NT5M: variants seen among roughly 807,000 people sequenced by gnomAD.
NT5M encodes the protein 5',3'-nucleotidase, mitochondrial.
In NT5M, 22 loss-of-function variants were observed where a neutral mutation model predicts 22.2. The observed-to-expected ratio is 0.99, with a 90% CI of 0.71 to 1.41. The LOEUF is 1.41. Among genes scored for constraint, NT5M ranks in the 40% most tolerant of loss-of-function variants. NT5M has a pLI of 0.00. For missense variants in NT5M, 322 were observed against 314.8 expected (o/e 1.02, Z -0.17); for synonymous variants, 167 against 133.0 (o/e 1.26, Z -1.76).
At chr17:17,329,364 G>T (rs11652902) in intron 3 of NT5M, among the ~76,000 whole-genome samples, 6,083 of 152,314 alleles carry the variant, frequency 0.04, 176 homozygotes, top group South Asian at 0.09. Flanking sequence ...CGGCCAGAAA[G>T]TGGGGAGTCA....
At chr17:17,339,187 G>C (rs1465104357) in intron 3 of NT5M, among the ~76,000 whole-genome samples, 2 of 152,168 alleles carry the variant, frequency 1.3e-5, no homozygotes, top group South Asian at 2.1e-4. Context: ...ATAGTTTACA[G>C]TGTAGAGCTC....
intron 4 of NT5M, 123 bp from the exon 5 acceptor site, chr17:17,346,682 C>T (rs2049765921): frequency 1.7e-6 from 2 of 1,184,698 alleles, no homozygotes; most frequent in South Asian, 1.4e-5. Flanking sequence ...GTGCAGTCAC[C>T]CCTTTACAGA....
intron 3 of NT5M, among the ~76,000 whole-genome samples, chr17:17,341,838 G>A (rs1180643537): frequency 7.9e-5 from 12 of 152,186 alleles, no homozygotes; most frequent in Admixed American, 2.0e-4. Context: ...AGACCAGCCT[G>A]GCCAACGTGG....
intron 3 of NT5M, among the ~76,000 whole-genome samples, chr17:17,326,195 CA>C (rs112025915): frequency 1.3e-5 from 2 of 152,350 alleles, no homozygotes; most frequent in African/African-American, 4.8e-5. Context: ...AGGTTTACAA[CA>C]GCTGCCTGTG....
chr17:17,305,716 G>A (rs2048786146), intron 1 of NT5M, among the ~76,000 whole-genome samples: 1 of 152,008 alleles, frequency 6.6e-6, no homozygotes, highest in Non-Finnish European at 1.5e-5. Flanking sequence ...GCTGAGATGT[G>A]TCTCCCCTCT....
At chr17:17,346,207 G>A (rs574623684) in intron 4 of NT5M, among the ~76,000 whole-genome samples, 2 of 140,788 alleles carry the variant, frequency 1.4e-5, no homozygotes, top group African/African-American at 2.5e-5. Flanking sequence ...GTGGGGTCCC[G>A]TGACCTTGAG....
intron 2 of NT5M, among the ~76,000 whole-genome samples, chr17:17,319,244 G>A (rs1390825626): frequency 6.6e-6 from 1 of 151,514 alleles, no homozygotes; most frequent in East Asian, 1.9e-4. Flanking sequence ...CTGAACAAGA[G>A]GCAAATCCTT....
intron 2 of NT5M, among the ~76,000 whole-genome samples, chr17:17,318,334 G>T (rs1264327301): frequency 1.3e-5 from 2 of 151,902 alleles, no homozygotes; most frequent in East Asian, 1.9e-4. Flanking sequence ...AAAAGAATTA[G>T]CCAGGCTTGG....
chr17:17,330,550 AT>A (rs2049357824), intron 3 of NT5M, among the ~76,000 whole-genome samples: 1 of 151,346 alleles, frequency 6.6e-6, no homozygotes, highest in East Asian at 2.0e-4. Context: ...TAATTTTTGT[AT>A]TTTTTGTAGA....
chr17:17,328,051 G>A (rs1219600943), intron 3 of NT5M, among the ~76,000 whole-genome samples: 3 of 152,148 alleles, frequency 2.0e-5, no homozygotes, highest in Non-Finnish European at 4.4e-5. Context: ...CCTGGGTCAC[G>A]CGAGGAAAGG....
intron 3 of NT5M, among the ~76,000 whole-genome samples, chr17:17,329,718 G>A (rs562825730): frequency 5.3e-4 from 81 of 152,258 alleles, no homozygotes; most frequent in African/African-American, 1.9e-3. Flanking sequence ...GCTCATGCTT[G>A]TAATCCCACC....
At chr17:17,343,964 T>A (rs2049702376) in intron 3 of NT5M, among the ~76,000 whole-genome samples, 2 of 152,100 alleles carry the variant, frequency 1.3e-5, no homozygotes, top group South Asian at 4.1e-4. Flanking sequence ...CACCCCTGGC[T>A]GCACTGGGGT....
At chr17:17,336,383 C>T (rs894908580) in intron 3 of NT5M, among the ~76,000 whole-genome samples, 5 of 152,056 alleles carry the variant, frequency 3.3e-5, no homozygotes, top group Non-Finnish European at 5.9e-5. Context: ...CCAGCCTCTA[C>T]TAACCATCCT....
chr17:17,327,108 G>T, intron 3 of NT5M, among the ~76,000 whole-genome samples: 1 of 38,622 alleles, frequency 2.6e-5, no homozygotes, highest in African/African-American at 7.7e-5. Context: ...TAGAAACAGG[G>T]TTTCATCATG....
chr17:17,346,937 G>C lies in NT5M; in HGVS notation c.677G>C (p.Arg226Pro). ...DDWKAILDSK[R>P]PC ...TGGAAGGCCATTCTGGACAGCAAGC[G>C]GCCCTGCTGAGCTGGACTGTGCTTC... The change falls in exon 5 of 5, where the codon CGG (arginine) becomes CCG (proline). Residue 226 changes from arginine (R) to proline (P), a missense_variant. Transcript: ENST00000389022. The C allele has an allele frequency of 1.9e-6, 3 of 1,611,194 alleles. No homozygotes were observed. Among genetic ancestry groups the C allele is most frequent in the Non-Finnish European group, 2.5e-6 (3 of 1,179,924 alleles).
intron 3 of NT5M, among the ~76,000 whole-genome samples, chr17:17,340,806 G>A (rs929489566): frequency 2.6e-5 from 4 of 152,094 alleles, no homozygotes; most frequent in Admixed American, 1.3e-4. Flanking sequence ...ATTACAGTGT[G>A]AGCCACCGCG....
At chr17:17,344,261 C>G (rs1165960574) in intron 3 of NT5M, among the ~76,000 whole-genome samples, 2 of 152,200 alleles carry the variant, frequency 1.3e-5, no homozygotes, top group East Asian at 3.9e-4. Context: ...CTTGGGCAGC[C>G]TGTGGCTTCT....
At chr17:17,316,784 C>T (rs2049038474) in intron 2 of NT5M, among the ~76,000 whole-genome samples, 1 of 149,566 alleles carries the variant, frequency 6.7e-6, no homozygotes, top group African/African-American at 2.5e-5. Flanking sequence ...GGCGCAATCT[C>T]AGCTCACTGC....
At chr17:17,338,676 G>T in intron 3 of NT5M, among the ~76,000 whole-genome samples, 1 of 74,602 alleles carries the variant, frequency 1.3e-5, no homozygotes, top group East Asian at 2.6e-4. Context: ...AAATGTTAAG[G>T]GTTTTTTTTT....
Sources: allele counts gnomAD v4.1 joint callset (sites outside exome capture counted in the v4.1 genomes callset), GRCh38; gene constraint gnomAD v4.1.1; transcripts MANE v1.5; gene names NCBI Gene and HGNC (gene_info 2026-07-23, HGNC 2026-07-21).